Variants in FRMD4A observed in about 807,000 individuals in gnomAD.
The protein encoded by FRMD4A is FERM domain-containing protein 4A.
FRMD4A carries 29 observed loss-of-function variants against 129.1 expected under a neutral mutation model. The observed-to-expected ratio is 0.22, with a 90% CI of 0.17 to 0.31. FRMD4A has a LOEUF of 0.31. Among genes scored for constraint, FRMD4A ranks in the 10% least tolerant of loss-of-function variants. The probability of loss-of-function intolerance (pLI) is 1.00; values close to 1 mark genes in which losing one functional copy is unlikely to be tolerated. For synonymous variants in FRMD4A, 634 were observed against 571.6 expected (o/e 1.11, Z -1.56); for missense variants, 1,272 against 1,375.8 (o/e 0.92, Z 1.19).
chr10:13,670,790 T>C (rs1346305884), intron 16 of FRMD4A, among the ~76,000 whole-genome samples: 1 of 152,236 alleles, frequency 6.6e-6, no homozygotes, highest in Non-Finnish European at 1.5e-5. Flanking sequence ...ATTTCTGTAA[T>C]TGCCATTTGA....
At chr10:13,988,030 T>C (rs749455562) in intron 2 of FRMD4A, among the ~76,000 whole-genome samples, 1 of 152,176 alleles carries the variant, frequency 6.6e-6, no homozygotes, top group East Asian at 1.9e-4. Flanking sequence ...ACATTTGATA[T>C]ACGCTAGAAA....
chr10:14,301,219 T>C (rs1328212311), intron 2 of FRMD4A, among the ~76,000 whole-genome samples: 1 of 152,238 alleles, frequency 6.6e-6, no homozygotes, highest in African/African-American at 2.4e-5. Context: ...GTATTCACTG[T>C]ATGTGCTTCT....
At chr10:14,098,820 C>T (rs572824814) in intron 2 of FRMD4A, among the ~76,000 whole-genome samples, 1 of 152,308 alleles carries the variant, frequency 6.6e-6, no homozygotes, top group South Asian at 2.1e-4. Flanking sequence ...TCGCTCACAC[C>T]ATGGACCCGA....
At chr10:13,901,965 A>C (rs1478697426) in intron 2 of FRMD4A, among the ~76,000 whole-genome samples, 1 of 152,184 alleles carries the variant, frequency 6.6e-6, no homozygotes, top group African/African-American at 2.4e-5. Flanking sequence ...AGGCTATCAA[A>C]TTTCTAGGAT....
chr10:13,822,763 C>T (rs1429464357), intron 3 of FRMD4A, among the ~76,000 whole-genome samples: 1 of 152,092 alleles, frequency 6.6e-6, no homozygotes, highest in Non-Finnish European at 1.5e-5. Context: ...ACTTGTGTCC[C>T]CAGGAAAGGA....
intron 4 of FRMD4A, among the ~76,000 whole-genome samples, chr10:13,798,808 G>C (rs764522613): frequency 6.6e-6 from 1 of 152,220 alleles, no homozygotes; most frequent in Non-Finnish European, 1.5e-5. Context: ...GTTCTGACTA[G>C]AACACAAGAT....
At chr10:14,086,321 A>G (rs966793890) in intron 2 of FRMD4A, among the ~76,000 whole-genome samples, 1 of 152,230 alleles carries the variant, frequency 6.6e-6, no homozygotes, top group Admixed American at 6.5e-5. Flanking sequence ...ATTAATTTTG[A>G]GAATTCAGCT....
At chr10:14,317,627 C>T (rs1691365234) in intron 2 of FRMD4A, among the ~76,000 whole-genome samples, 1 of 151,408 alleles carries the variant, frequency 6.6e-6, no homozygotes, top group Non-Finnish European at 1.5e-5. Context: ...TGACTGAGAC[C>T]CTCTTAAAAT....
At position 14,322,781 on chromosome 10, in the gene FRMD4A, C is replaced by T. The variant is rs546073098; in HGVS notation, c.45+7277G>A. ...CTTTGATTACTACCAGGCTAAATAC[C>T]GTATGTTCCATTAAGCTTCATATTC... On this transcript the variant is annotated intron_variant, in intron 2 of 24. Transcript: ENST00000357447. Among the ~76,000 whole-genome samples, 7 of 152,284 alleles carry T rather than the reference C, an allele frequency of 4.6e-5. No homozygotes were observed. In the South Asian group the frequency reaches 6.2e-4, roughly 14 times the overall value.
chr10:13,868,703 G>A (rs1265644371), intron 2 of FRMD4A, among the ~76,000 whole-genome samples: 4 of 152,200 alleles, frequency 2.6e-5, no homozygotes, highest in Admixed American at 2.6e-4. Flanking sequence ...GGAGGCTGAG[G>A]TGGGAGGATT....
intron 21 of FRMD4A, among the ~76,000 whole-genome samples, chr10:13,658,410 C>T (rs981681304): frequency 1.3e-5 from 2 of 152,192 alleles, no homozygotes; most frequent in Non-Finnish European, 2.9e-5. Context: ...TAGGGAAGTG[C>T]AAAACAGTAT....
At chr10:14,039,403 C>CTATCT (rs1565204547) in intron 2 of FRMD4A, among the ~76,000 whole-genome samples, 13 of 141,304 alleles carry the variant, frequency 9.2e-5, no homozygotes, top group African/African-American at 3.0e-4. Context: ...TCCATCCATC[C>CTATCT]ATCCATCTAT....
At chr10:14,026,646 G>T (rs1425451935) in intron 2 of FRMD4A, among the ~76,000 whole-genome samples, 2 of 152,168 alleles carry the variant, frequency 1.3e-5, no homozygotes, top group African/African-American at 2.4e-5. Context: ...CTTCCTAGGG[G>T]CTCATGGTTT....
intron 2 of FRMD4A, among the ~76,000 whole-genome samples, chr10:14,111,383 G>C (rs1837892551): frequency 6.6e-6 from 1 of 152,174 alleles, no homozygotes; most frequent in Non-Finnish European, 1.5e-5. Context: ...GATCCACTGA[G>C]AATGATGAAA....
intron 2 of FRMD4A, among the ~76,000 whole-genome samples, chr10:13,906,951 G>A (rs2094888569): frequency 6.6e-6 from 1 of 152,134 alleles, no homozygotes; most frequent in Non-Finnish European, 1.5e-5. Flanking sequence ...CTGAACTTCA[G>A]CATTTACCCC....
intron 2 of FRMD4A, chr10:14,008,062 T>G: frequency 7.7e-7 from 1 of 1,303,626 alleles, no homozygotes; most frequent in South Asian, 1.2e-5. Flanking sequence ...TAGCTTACCC[T>G]TTCAACGCTG....
intron 2 of FRMD4A, among the ~76,000 whole-genome samples, chr10:13,907,763 T>G (rs1052151593): frequency 8.6e-5 from 13 of 151,778 alleles, no homozygotes; most frequent in South Asian, 2.1e-4. Context: ...TGCTGCTAGA[T>G]CAAATATTTA....
chr10:13,891,830 C>T (rs2094701380), intron 2 of FRMD4A: 1 of 769,616 alleles, frequency 1.3e-6, no homozygotes, highest in Non-Finnish European at 1.6e-6. Flanking sequence ...TCGCGCCTCT[C>T]GCGCCGAGCC....
At chr10:14,086,868 C>A (rs1000691238) in intron 2 of FRMD4A, among the ~76,000 whole-genome samples, 1 of 152,148 alleles carries the variant, frequency 6.6e-6, no homozygotes, top group African/African-American at 2.4e-5. Context: ...GTTGGAGAAA[C>A]GATTTTGCTG....
Sources: allele counts gnomAD v4.1 joint callset (sites outside exome capture counted in the v4.1 genomes callset), GRCh38; gene constraint gnomAD v4.1.1; transcripts MANE v1.5; gene names NCBI Gene and HGNC (gene_info 2026-07-23, HGNC 2026-07-21).